PXDNL: variants seen among roughly 807,000 people sequenced by gnomAD.
The protein encoded by PXDNL is peroxidasin like.
Under a neutral mutation model 150.8 loss-of-function variants are expected in PXDNL, and 145 were observed. The observed-to-expected ratio is 0.96, with a 90% CI of 0.84 to 1.10. PXDNL has a LOEUF of 1.10. PXDNL is among the 50% of genes least tolerant of loss of function. PXDNL has a pLI of 0.00. For missense variants in PXDNL, 2,087 were observed against 1,873.9 expected (o/e 1.11, Z -2.10); for synonymous variants, 757 against 725.7 (o/e 1.04, Z -0.69).
rs149859309 is a variant in PXDNL at position 51,809,392 on chromosome 8, A to AGCAGCT, written c.-54_-49dup. 14,186 of 1,475,552 alleles carry AGCAGCT rather than the reference A, an allele frequency of 9.6e-3. 795 individuals are homozygous for AGCAGCT. In the African/African-American group the frequency reaches 0.14, roughly 14 times the overall value. 91.4% of individuals were successfully genotyped at this position (1,475,552 alleles called of 1,614,324 possible). A position where few individuals can be genotyped will look rare whatever the true frequency, so the allele number is the denominator to read the frequency against. On this transcript the variant is annotated 5_prime_UTR_variant, in exon 1 of 23. Transcript: ENST00000356297. The stretch of plus-strand genomic sequence containing the variant: ...GCGAAGAAGCAGCCGGAGGGAGAGC[A>AGCAGCT]GCAGCTGCAGCTGCAGCAGCAACCG...
chr8:51,418,915 G>A (rs1019903587), intron 14 of PXDNL, among the ~76,000 whole-genome samples: 3 of 152,120 alleles, frequency 2.0e-5, no homozygotes, highest in African/African-American at 7.2e-5. Flanking sequence ...GTCACATAAA[G>A]AAGAGAAGTG....
chr8:51,564,342 A>G (rs1312263731), intron 3 of PXDNL, among the ~76,000 whole-genome samples: 1 of 152,122 alleles, frequency 6.6e-6, no homozygotes, highest in South Asian at 2.1e-4. Flanking sequence ...AATGGAACTG[A>G]TTATAATACG....
intron 3 of PXDNL, among the ~76,000 whole-genome samples, chr8:51,564,865 T>C (rs527961656): frequency 1.3e-5 from 2 of 152,098 alleles, no homozygotes; most frequent in Admixed American, 1.3e-4. Flanking sequence ...TTATAATCAC[T>C]TATTAGTTCT....
chr8:51,430,952 C>T (rs1248088183), intron 12 of PXDNL, among the ~76,000 whole-genome samples: 1 of 152,060 alleles, frequency 6.6e-6, no homozygotes, highest in Non-Finnish European at 1.5e-5. Context: ...TCTTTCAAGT[C>T]ACCTACTTCA....
At chr8:51,398,753 G>A (rs1292915047) in intron 17 of PXDNL, among the ~76,000 whole-genome samples, 8 of 152,158 alleles carry the variant, frequency 5.3e-5, no homozygotes, top group Non-Finnish European at 1.0e-4. Flanking sequence ...TAGAAATTAC[G>A]AGACAGAGAA....
chr8:51,809,066 T>C, intron 1 of PXDNL, 115 bp downstream of exon 1: 2 of 1,092,822 alleles, frequency 1.8e-6, no homozygotes, highest in Non-Finnish European at 2.7e-6. Context: ...AAGCCTCTTC[T>C]AAGTATACAA....
intron 3 of PXDNL, among the ~76,000 whole-genome samples, chr8:51,589,782 T>A (rs1304251705): frequency 6.6e-6 from 1 of 152,010 alleles, no homozygotes; most frequent in East Asian, 1.9e-4. Flanking sequence ...AAGATGGAAT[T>A]TATAATTAAA....
chr8:51,496,947 A>G (rs1258392850), intron 5 of PXDNL, among the ~76,000 whole-genome samples: 5 of 152,326 alleles, frequency 3.3e-5, no homozygotes, highest in African/African-American at 9.6e-5. Flanking sequence ...TAAAGTTCAT[A>G]TAGAACCAAA....
intron 4 of PXDNL, among the ~76,000 whole-genome samples, chr8:51,537,284 C>G (rs954718019): frequency 6.6e-6 from 1 of 152,222 alleles, no homozygotes; most frequent in East Asian, 1.9e-4. Flanking sequence ...GGCTGGACAC[C>G]CTCTGGCTGG....
intron 5 of PXDNL, among the ~76,000 whole-genome samples, chr8:51,497,888 C>G (rs1215624159): frequency 3.9e-5 from 6 of 152,284 alleles, no homozygotes; most frequent in Non-Finnish European, 7.4e-5. Flanking sequence ...CCTCAGGGAT[C>G]TAGAACTAGA....
chr8:51,569,450 T>C (rs1812885230), intron 3 of PXDNL, among the ~76,000 whole-genome samples: 1 of 151,942 alleles, frequency 6.6e-6, no homozygotes, highest in Admixed American at 6.6e-5. Context: ...AAAAATGTTA[T>C]GATGAACATA....
chr8:51,407,974 C>T, intron 17 of PXDNL, 93 bp downstream of exon 17: 1 of 1,126,944 alleles, frequency 8.9e-7, no homozygotes, highest in East Asian at 2.6e-5. Context: ...TGCAGCACCC[C>T]CAGGGAACCA....
chr8:51,737,756 A>AC (rs11302135), intron 1 of PXDNL, among the ~76,000 whole-genome samples: 9 of 150,972 alleles, frequency 6.0e-5, no homozygotes, highest in African/African-American at 2.2e-4. Flanking sequence ...TCACTGTCAG[A>AC]CCCCCCCCAC....
rs757038555 is a variant in PXDNL at position 51,345,989 on chromosome 8, C to A, written c.3902-42G>T. On this transcript the variant is annotated intron_variant, in intron 19 of 22. Transcript: ENST00000356297. ...AACCACAATAGCATCATGTGAGATG[C>A]GATGTCATGATCTCATCTAGATCAT... The A allele has an allele frequency of 2.0e-5, 24 of 1,199,172 alleles. No individual in the cohort carries two copies. The South Asian group carries it at 2.7e-4, about 13-fold the overall frequency. The allele number at this position is 1,199,172 out of a possible 1,614,324, so 74.3% of individuals were successfully genotyped here.
chr8:51,569,324 T>C (rs1323501393), intron 3 of PXDNL, among the ~76,000 whole-genome samples: 1 of 151,952 alleles, frequency 6.6e-6, no homozygotes, highest in Non-Finnish European at 1.5e-5. Flanking sequence ...CATTCAATGG[T>C]GGTTTTACAG....
At chr8:51,534,463 C>T (rs1490032600) in intron 4 of PXDNL, among the ~76,000 whole-genome samples, 1 of 97,968 alleles carries the variant, frequency 1.0e-5, no homozygotes, top group Non-Finnish European at 1.9e-5. Context: ...GGCCAGCCGC[C>T]CCGTCCGGGA....
At chr8:51,499,608 A>G (rs1325590368) in intron 5 of PXDNL, 91 bp downstream of exon 5, 7 of 905,864 alleles carry the variant, frequency 7.7e-6, no homozygotes, top group Non-Finnish European at 1.1e-5. Context: ...AGCTTACAGC[A>G]AAGTGGCCTG....
At chr8:51,401,787 A>C (rs185416542) in intron 17 of PXDNL, among the ~76,000 whole-genome samples, 184 of 152,334 alleles carry the variant, frequency 1.2e-3, no homozygotes, top group African/African-American at 4.1e-3. Flanking sequence ...AAGGAGGTTC[A>C]TAGATTCTAC....
chr8:51,556,869 T>C lies in PXDNL; in HGVS notation c.351A>G (p.Thr117=). Reference sequence around the variant, plus strand: ...GTTCCAAAGATATGAGTCCTTTAAATGTTTGCTTATCTAGTGCATGGATTT... The same window carrying C: ...GTTCCAAAGATATGAGTCCTTTAAACGTTTGCTTATCTAGTGCATGGATTT... ...KNEIHALDKQ[T]FKGLISLEHL... is the part of the protein sequence containing the mutation. Residue 117 remains threonine, a synonymous_variant, in exon 4 of 23, where the codon ACA becomes ACG. Transcript: ENST00000356297. 6.3e-7 allele frequency: 1 copy of C among 1,583,754 alleles called. No individual in the cohort carries two copies. The highest frequency in any genetic ancestry group is 8.7e-7 in the Non-Finnish European group (1 of 1,153,218).
Sources: allele counts gnomAD v4.1 joint callset (sites outside exome capture counted in the v4.1 genomes callset), GRCh38; gene constraint gnomAD v4.1.1; transcripts MANE v1.5; gene names NCBI Gene and HGNC (gene_info 2026-07-23, HGNC 2026-07-21).